Variants in GRB14 observed in about 807,000 individuals in gnomAD.
GRB14 encodes the protein growth factor receptor-bound protein 14.
In GRB14, 38 loss-of-function variants were observed where a neutral mutation model predicts 69.1. That is an observed-to-expected ratio of 0.55 (90% confidence interval 0.42 to 0.72). The LOEUF is 0.72. Ranked by LOEUF, GRB14 falls within the 30% of genes least tolerant of loss-of-function variation. The probability of loss-of-function intolerance (pLI) is 0.00; values close to 1 mark genes in which losing one functional copy is unlikely to be tolerated. For synonymous variants in GRB14, 247 were observed against 241.3 expected, an observed-to-expected ratio of 1.02 and a Z score of -0.22; for missense variants, 666 against 666.1, an observed-to-expected ratio of 1.00 and a Z score of 0.00.
At position 164,603,363 on chromosome 2, in the gene GRB14, C is replaced by T. The variant is rs143041852; in HGVS notation, c.324+16324G>A. On this transcript the variant is annotated intron_variant, in intron 2 of 13. Transcript: ENST00000263915. ...AAAAACCCAAGTGTGTAAAGTAAAACATAAAAATGACTACATGAGGCCGGG... is the reference window on the plus strand; with the variant it reads ...AAAAACCCAAGTGTGTAAAGTAAAATATAAAAATGACTACATGAGGCCGGG... Among the ~76,000 whole-genome samples, 543 of 152,076 alleles carry T rather than the reference C, an allele frequency of 3.6e-3. 8 individuals carry two copies. The highest frequency in any genetic ancestry group is 0.012 in the African/African-American group (508 of 41,508).
chr2:164,493,121 A>G lies in GRB14; in HGVS notation c.1538T>C (p.Leu513Pro), dbSNP rs1321701009. The change falls in exon 14 of 14, where the codon CTA becomes CCA. Residue 513 changes from leucine to proline, a missense_variant. Physicochemically the swap from Leu to Pro is moderately conservative, Grantham distance 98. Coordinates refer to ENST00000263915, the MANE Select transcript of GRB14 (RefSeq NM_004490.3). Reference sequence around the variant, plus strand: ...TTGATAGAACTCCACCAGCTGTATTAGATCTGTAAATCTTGTGTGGCCATC... The same window carrying G: ...TTGATAGAACTCCACCAGCTGTATTGGATCTGTAAATCTTGTGTGGCCATC... ...LDDGHTRFTD[L>P]IQLVEFYQLN... 1 of 1,613,516 alleles carries G rather than the reference A, an allele frequency of 6.2e-7. No homozygotes were observed. The highest frequency in any genetic ancestry group is 8.5e-7 in the Non-Finnish European group (1 of 1,179,570).
chr2:164,552,185 T>C (rs139683648), intron 2 of GRB14, among the ~76,000 whole-genome samples: 174 of 152,322 alleles, frequency 1.1e-3, no homozygotes, highest in Middle Eastern at 3.4e-3. Context: ...ACCTCCAACA[T>C]TGGCGATCAA....
At chr2:164,496,981 A>G in intron 12 of GRB14, 27 bp downstream of exon 12, 3 of 1,545,246 alleles carry the variant, frequency 1.9e-6, no homozygotes, top group Non-Finnish European at 2.7e-6. Context: ...ATTCACAAGT[A>G]CTCAAAATTA....
At chr2:164,508,410 G>A (rs770480468) in intron 8 of GRB14, 45 bp downstream of exon 8, 3 of 1,436,436 alleles carry the variant, frequency 2.1e-6, no homozygotes, top group Non-Finnish European at 2.9e-6. Flanking sequence ...AACTTTTATG[G>A]TACTCACAGC....
intron 2 of GRB14, among the ~76,000 whole-genome samples, chr2:164,556,138 T>A (rs1486159058): frequency 6.6e-6 from 1 of 152,160 alleles, no homozygotes; most frequent in Non-Finnish European, 1.5e-5. Flanking sequence ...AGCAATGTAG[T>A]CATTATTACT....
At chr2:164,502,407 T>A in intron 8 of GRB14, 72 bp from the exon 9 acceptor site, 1 of 874,580 alleles carries the variant, frequency 1.1e-6, no homozygotes, top group Non-Finnish European at 1.9e-6. Flanking sequence ...ATCAACACTT[T>A]CATCAATTAT....
chr2:164,565,399 A>C (rs1688945700), intron 2 of GRB14, among the ~76,000 whole-genome samples: 1 of 152,176 alleles, frequency 6.6e-6, no homozygotes, highest in African/African-American at 2.4e-5. Context: ...GGATTTGCCT[A>C]AGCTAATTCC....
intron 12 of GRB14, among the ~76,000 whole-genome samples, chr2:164,495,341 T>C (rs1410661052): frequency 6.6e-6 from 1 of 152,180 alleles, no homozygotes; most frequent in Non-Finnish European, 1.5e-5. Context: ...AAGAAATCAA[T>C]ATATTGTTTT....
chr2:164,500,804 CTG>C (rs1687029787), intron 9 of GRB14, among the ~76,000 whole-genome samples: 1 of 152,082 alleles, frequency 6.6e-6, no homozygotes, highest in Non-Finnish European at 1.5e-5. Flanking sequence ...CTACACTAAA[CTG>C]TTATCCACAT....
intron 3 of GRB14, among the ~76,000 whole-genome samples, chr2:164,541,740 T>C (rs905614193): frequency 5.3e-5 from 8 of 152,124 alleles, no homozygotes; most frequent in South Asian, 4.1e-4. Context: ...CACATATATA[T>C]ATATGCAAGT....
intron 2 of GRB14, among the ~76,000 whole-genome samples, chr2:164,617,358 G>A (rs894705533): frequency 3.3e-5 from 5 of 152,106 alleles, no homozygotes; most frequent in Non-Finnish European, 7.4e-5. Context: ...AGGATACAAG[G>A]CCAGAGCAGG....
chr2:164,575,042 A>G (rs1201425023), intron 2 of GRB14, among the ~76,000 whole-genome samples: 1 of 152,180 alleles, frequency 6.6e-6, no homozygotes, highest in Non-Finnish European at 1.5e-5. Context: ...ACAGCAAGGC[A>G]AAAGTTTTCT....
intron 3 of GRB14, among the ~76,000 whole-genome samples, chr2:164,528,020 A>G (rs1016518893): frequency 1.3e-5 from 2 of 152,086 alleles, no homozygotes; most frequent in Non-Finnish European, 2.9e-5. Flanking sequence ...AACAGTATGG[A>G]TAAATACTGC....
intron 2 of GRB14, among the ~76,000 whole-genome samples, chr2:164,577,601 T>C (rs1054355883): frequency 2.6e-5 from 4 of 152,156 alleles, no homozygotes; most frequent in African/African-American, 9.7e-5. Flanking sequence ...GAACTGTGAG[T>C]CAATCAAACC....
intron 2 of GRB14, among the ~76,000 whole-genome samples, chr2:164,582,751 A>G (rs1689446165): frequency 6.6e-6 from 1 of 152,164 alleles, no homozygotes; most frequent in African/African-American, 2.4e-5. Context: ...CTCCCTAAGA[A>G]TGAAGTGGAA....
In GRB14 at chr2:164,494,513, AC is replaced by A; in HGVS notation, c.1393del (p.Val465TyrfsTer15). On this transcript the variant is annotated frameshift_variant, in exon 13 of 14. Coordinates refer to ENST00000263915, the MANE Select transcript of GRB14 (RefSeq NM_004490.3). LOFTEE classifies it high-confidence loss of function. ...QQGLVDGVFL[V>X]RDSQSNPKTF... ...TTTGGGGTTACTCTGACTATCCCGT[AC>A]CAAGAAAACTCTAAAGAGAGAGAAG... The A allele has an allele frequency of 6.5e-7, 1 of 1,540,960 alleles. No homozygotes were observed. Among genetic ancestry groups the A allele is most frequent in the Non-Finnish European group, 9.0e-7 (1 of 1,113,544 alleles).
At chr2:164,571,944 T>C (rs1046276807) in intron 2 of GRB14, among the ~76,000 whole-genome samples, 13 of 152,234 alleles carry the variant, frequency 8.5e-5, no homozygotes, top group African/African-American at 3.1e-4. Context: ...ACAGCCCTTG[T>C]TCCTGACGTA....
At chr2:164,587,716 A>T (rs779833738) in intron 2 of GRB14, among the ~76,000 whole-genome samples, 8 of 152,196 alleles carry the variant, frequency 5.3e-5, no homozygotes, top group Non-Finnish European at 1.2e-4. Context: ...ATTTTTTCCA[A>T]TGCAAGATCT....
At chr2:164,553,970 T>C (rs1319652671) in intron 2 of GRB14, among the ~76,000 whole-genome samples, 2 of 151,996 alleles carry the variant, frequency 1.3e-5, no homozygotes, top group Admixed American at 6.6e-5. Context: ...AGAATATATA[T>C]ATATATAAAA....
Sources: allele counts gnomAD v4.1 joint callset (sites outside exome capture counted in the v4.1 genomes callset), GRCh38; gene constraint gnomAD v4.1.1; transcripts MANE v1.5; gene names NCBI Gene and HGNC (gene_info 2026-07-23, HGNC 2026-07-21).